The following CFAP299 variants were observed in gnomAD, a reference collection of about 807,000 sequenced individuals.
CFAP299 encodes the protein cilia- and flagella-associated protein 299.
Under a neutral mutation model 27.0 loss-of-function variants are expected in CFAP299, and 21 were observed. That is an observed-to-expected ratio of 0.78 (90% CI 0.55 to 1.12). The LOEUF (loss-of-function observed/expected upper bound fraction) is 1.12, where lower values mean the gene tolerates loss of function less well. Ranked by LOEUF, CFAP299 falls within the 50% of genes most tolerant of loss-of-function variation. The probability of loss-of-function intolerance (pLI) is 0.00; values close to 1 mark genes in which losing one functional copy is unlikely to be tolerated. For synonymous variants in CFAP299, 104 were observed against 98.1 expected, an observed-to-expected ratio of 1.06 and a Z score of -0.36; for missense variants, 310 against 276.6, an observed-to-expected ratio of 1.12 and a Z score of -0.86.
intron 2 of CFAP299, among the ~76,000 whole-genome samples, chr4:80,368,536 G>T (rs1468763358): frequency 6.6e-6 from 1 of 151,802 alleles, no homozygotes; most frequent in African/African-American, 2.4e-5. Context: ...TAATTTTATG[G>T]AGATGAGCAC....
At chr4:80,338,878 C>T (rs931163462) in intron 1 of CFAP299, among the ~76,000 whole-genome samples, 1 of 152,200 alleles carries the variant, frequency 6.6e-6, no homozygotes. Flanking sequence ...AGTTAATCTG[C>T]ATAAAAAGTT....
intron 2 of CFAP299, among the ~76,000 whole-genome samples, chr4:80,536,821 T>C (rs1733760559): frequency 6.6e-6 from 1 of 152,076 alleles, no homozygotes; most frequent in Non-Finnish European, 1.5e-5. Context: ...TTTTTGGATA[T>C]GACCCCTAAA....
intron 2 of CFAP299, among the ~76,000 whole-genome samples, chr4:80,578,353 T>G (rs7686715): frequency 6.6e-6 from 1 of 151,994 alleles, no homozygotes; most frequent in African/African-American, 2.4e-5. Flanking sequence ...ATATTTCCTC[T>G]TGCTAAGAAG....
intron 3 of CFAP299, among the ~76,000 whole-genome samples, chr4:80,845,987 C>A (rs1334851237): frequency 6.6e-6 from 1 of 151,974 alleles, no homozygotes; most frequent in East Asian, 1.9e-4. Flanking sequence ...CTTCTCTTTT[C>A]TATAGTTCAC....
chr4:80,645,001 C>A (rs572520759), intron 3 of CFAP299, among the ~76,000 whole-genome samples: 7 of 152,078 alleles, frequency 4.6e-5, no homozygotes, highest in South Asian at 2.1e-4. Context: ...ATGCACCAGC[C>A]CCCCCTCAGA....
intron 3 of CFAP299, among the ~76,000 whole-genome samples, chr4:80,861,335 C>G (rs183263220): frequency 6.6e-6 from 1 of 152,112 alleles, no homozygotes; most frequent in African/African-American, 2.4e-5. Flanking sequence ...TGACTAGGAA[C>G]GGGAACTCCC....
chr4:80,598,456 A>G (rs1737166797), intron 3 of CFAP299, among the ~76,000 whole-genome samples: 1 of 152,238 alleles, frequency 6.6e-6, no homozygotes, highest in African/African-American at 2.4e-5. Flanking sequence ...TTATTAAGCC[A>G]TGCCCTTCAT....
intron 2 of CFAP299, among the ~76,000 whole-genome samples, chr4:80,511,436 T>A (rs893714595): frequency 1.3e-5 from 2 of 152,186 alleles, no homozygotes; most frequent in Admixed American, 6.5e-5. Flanking sequence ...AATCACTACA[T>A]ACTTTAATTT....
Position 80,927,299 on chromosome 4 carries a change from T to A in CFAP299, c.477-17511T>A, listed in dbSNP as rs116143813. ...ACCTTAAGTACAAAATGAGGTCAAA[T>A]TCCTTTCAATATTCAAAATAAATTC... On this transcript the variant is annotated intron_variant, in intron 4 of 5. Transcript: ENST00000358105. 5.8e-3 allele frequency among the ~76,000 whole-genome samples: 886 copies of A among 152,158 alleles called. 6 individuals are homozygous for A. Among genetic ancestry groups the A allele is most frequent in the African/African-American group, 0.02 (826 of 41,508 alleles).
chr4:80,794,350 A>T (rs1727734252), intron 3 of CFAP299, among the ~76,000 whole-genome samples: 1 of 152,144 alleles, frequency 6.6e-6, no homozygotes, highest in South Asian at 2.1e-4. Flanking sequence ...TTGCTAGTGG[A>T]TCATTAGGGG....
intron 3 of CFAP299, among the ~76,000 whole-genome samples, chr4:80,796,809 A>C (rs79437757): frequency 6.6e-6 from 1 of 151,974 alleles, no homozygotes; most frequent in Non-Finnish European, 1.5e-5. Context: ...TTGATTTACT[A>C]TTTTTCTAGC....
At chr4:80,953,677 G>A (rs1310469571) in intron 5 of CFAP299, among the ~76,000 whole-genome samples, 1 of 152,044 alleles carries the variant, frequency 6.6e-6, no homozygotes. Context: ...AGTGTCCAGT[G>A]CATGAACTCA....
At chr4:80,483,733 T>C (rs1466868375) in intron 2 of CFAP299, among the ~76,000 whole-genome samples, 1 of 152,180 alleles carries the variant, frequency 6.6e-6, no homozygotes, top group Non-Finnish European at 1.5e-5. Context: ...CTCCTTTTTG[T>C]TCCAAATGCA....
chr4:80,338,815 T>G (rs550067639), intron 1 of CFAP299, among the ~76,000 whole-genome samples: 1 of 152,366 alleles, frequency 6.6e-6, no homozygotes, highest in East Asian at 1.9e-4. Flanking sequence ...AAACATTTAC[T>G]ATCTTCCAGG....
At chr4:80,743,574 G>A (rs1316950382) in intron 3 of CFAP299, among the ~76,000 whole-genome samples, 1 of 152,128 alleles carries the variant, frequency 6.6e-6, no homozygotes, top group Non-Finnish European at 1.5e-5. Flanking sequence ...TTCTCAGTAA[G>A]GCTCTTGAAA....
rs768437609 is a variant in CFAP299 at position 80,400,750 on chromosome 4, A to G, written c.242+37866A>G. Among the ~76,000 whole-genome samples the G allele has an allele frequency of 3.3e-5, 5 of 152,324 alleles. No individual in the cohort carries two copies. In the East Asian group the frequency reaches 5.8e-4, roughly 18 times the overall value. On this transcript the variant is annotated intron_variant, in intron 2 of 5. Coordinates refer to ENST00000358105, the MANE Select transcript of CFAP299 (RefSeq NM_152770.3). ...TTGCTGAATAGATACCTGAAAATAT[A>G]TAAGTGACTTTTGAACTGGGTAACA...
intron 4 of CFAP299, 102 bp from the exon 5 acceptor site, chr4:80,944,708 C>A (rs1188982204): frequency 2.6e-6 from 2 of 783,518 alleles, no homozygotes; most frequent in Non-Finnish European, 4.1e-6. Flanking sequence ...ATGTTTGTAT[C>A]CACTTATCTT....
At chr4:80,813,320 A>C (rs770586003) in intron 3 of CFAP299, among the ~76,000 whole-genome samples, 3 of 151,996 alleles carry the variant, frequency 2.0e-5, no homozygotes, top group Non-Finnish European at 4.4e-5. Flanking sequence ...TCTAGCACTC[A>C]ACAACTACAT....
At chr4:80,633,564 C>T (rs942101813) in intron 3 of CFAP299, among the ~76,000 whole-genome samples, 7 of 152,048 alleles carry the variant, frequency 4.6e-5, no homozygotes, top group African/African-American at 1.7e-4. Flanking sequence ...CTATAATTTG[C>T]CATCTTAAGA....
Sources: gnomAD v4.1 joint callset for allele counts (sites outside exome capture counted in the v4.1 genomes callset) on GRCh38, gnomAD v4.1.1 for gene constraint, MANE v1.5 for transcripts, NCBI Gene and HGNC (gene_info 2026-07-23, HGNC 2026-07-21) for gene names.